TCF12: variants seen among roughly 807,000 people sequenced by gnomAD.
TCF12 encodes the protein transcription factor 12.
In TCF12, 45 loss-of-function variants were observed where a neutral mutation model predicts 86.0. The observed-to-expected ratio is 0.52, with a 90% confidence interval of 0.41 to 0.67. The LOEUF is 0.67. TCF12 is among the 30% of genes least tolerant of loss of function. The pLI is 0.00. For synonymous variants in TCF12, 330 were observed against 299.6 expected (o/e 1.10, Z -1.05); for missense variants, 881 against 859.9 (o/e 1.02, Z -0.31).
intron 3 of TCF12, among the ~76,000 whole-genome samples, chr15:56,937,421 A>T (rs1188902526): frequency 1.3e-5 from 2 of 150,670 alleles, no homozygotes; most frequent in Non-Finnish European, 3.0e-5. Context: ...TAGTGGCGTG[A>T]TCTTGGCTCA....
intron 6 of TCF12, among the ~76,000 whole-genome samples, chr15:57,183,052 A>G (rs1370883583): frequency 2.0e-5 from 3 of 152,190 alleles, no homozygotes; most frequent in African/African-American, 7.2e-5. Flanking sequence ...TCTATATAAT[A>G]CTTAAGATTG....
chr15:57,219,104 C>A (rs2058458340), intron 8 of TCF12: 1 of 1,059,374 alleles, frequency 9.4e-7, no homozygotes, highest in Non-Finnish European at 1.1e-6. Flanking sequence ...CACAAGTGCT[C>A]TAATTTAATT....
chr15:57,041,852 T>G (rs1455876494), intron 3 of TCF12, among the ~76,000 whole-genome samples: 1 of 152,222 alleles, frequency 6.6e-6, no homozygotes, highest in East Asian at 1.9e-4. Context: ...ATCCATTTGT[T>G]TACTTGATCG....
At chr15:57,106,805 A>C (rs989055430) in intron 5 of TCF12, among the ~76,000 whole-genome samples, 5 of 152,254 alleles carry the variant, frequency 3.3e-5, no homozygotes, top group African/African-American at 1.2e-4. Flanking sequence ...TAAGCCTATG[A>C]AGAAATGCTC....
At chr15:57,179,364 T>G (rs2056176000) in intron 6 of TCF12, among the ~76,000 whole-genome samples, 1 of 152,122 alleles carries the variant, frequency 6.6e-6, no homozygotes, top group Non-Finnish European at 1.5e-5. Flanking sequence ...GGTGTGCACC[T>G]GTAGTCCCAG....
At chr15:57,015,637 G>C (rs2065110592) in intron 3 of TCF12, among the ~76,000 whole-genome samples, 1 of 152,132 alleles carries the variant, frequency 6.6e-6, no homozygotes, top group Non-Finnish European at 1.5e-5. Context: ...TGCTGTCTCT[G>C]GAGTGTCCAT....
chr15:57,209,427 C>G (rs1261486950), intron 8 of TCF12, among the ~76,000 whole-genome samples: 4 of 151,888 alleles, frequency 2.6e-5, no homozygotes, highest in Non-Finnish European at 4.4e-5. Flanking sequence ...GGTCCTCACG[C>G]GAAAGAAAAG....
At chr15:57,132,949 A>T in intron 5 of TCF12, among the ~76,000 whole-genome samples, 1 of 152,208 alleles carries the variant, frequency 6.6e-6, no homozygotes, top group East Asian at 1.9e-4. Context: ...ACACACCAGG[A>T]GAATGTGAGG....
At chr15:57,017,947 C>A (rs551462413) in intron 3 of TCF12, among the ~76,000 whole-genome samples, 38 of 152,142 alleles carry the variant, frequency 2.5e-4, no homozygotes, top group South Asian at 2.3e-3. Flanking sequence ...TTTTGGTAAA[C>A]CTCCATGTAT....
intron 12 of TCF12, among the ~76,000 whole-genome samples, chr15:57,239,406 A>T (rs564980982): frequency 1.5e-4 from 23 of 151,582 alleles, no homozygotes; most frequent in Non-Finnish European, 2.5e-4. Context: ...CGCCTATGTA[A>T]TCCCAGCTGC....
intron 12 of TCF12, 37 bp downstream of exon 12, chr15:57,234,144 T>G: frequency 6.7e-7 from 1 of 1,491,348 alleles, no homozygotes; most frequent in South Asian, 1.1e-5. Context: ...TGAATGAATT[T>G]TACACTACTG....
chr15:57,236,830 T>G (rs1203034452), intron 12 of TCF12, among the ~76,000 whole-genome samples: 2 of 151,304 alleles, frequency 1.3e-5, no homozygotes, highest in Non-Finnish European at 3.0e-5. Flanking sequence ...TATGCATTAG[T>G]TTAGATAAAA....
chr15:57,027,461 C>T (rs952576450), intron 3 of TCF12, among the ~76,000 whole-genome samples: 6 of 152,148 alleles, frequency 3.9e-5, no homozygotes, highest in East Asian at 1.9e-4. Flanking sequence ...GCCATTCGTT[C>T]GTTGATGTAT....
chr15:57,063,948 C>A, intron 4 of TCF12, 125 bp downstream of exon 4: 1 of 739,464 alleles, frequency 1.4e-6, no homozygotes, highest in Non-Finnish European at 2.2e-6. Flanking sequence ...AGTAGAATAC[C>A]TAGTACCTTT....
intron 5 of TCF12, among the ~76,000 whole-genome samples, chr15:57,107,275 G>A (rs532797266): frequency 3.2e-4 from 46 of 142,132 alleles, no homozygotes; most frequent in Admixed American, 7.1e-4. Flanking sequence ...TGGAGGAACC[G>A]TAAGTGCAGA....
chr15:57,251,747 A>T (rs561514094), intron 14 of TCF12, among the ~76,000 whole-genome samples: 131 of 152,342 alleles, frequency 8.6e-4, no homozygotes, highest in African/African-American at 3.1e-3. Context: ...AAAGACAAGT[A>T]AAAGCAAGAA....
At chr15:57,211,999 A>G (rs1443836558) in intron 8 of TCF12, among the ~76,000 whole-genome samples, 2 of 108,700 alleles carry the variant, frequency 1.8e-5, no homozygotes, top group Non-Finnish European at 4.5e-5. Context: ...ACACACACAC[A>G]CACACACACT....
chr15:57,208,612 T>C (rs1358084186), intron 8 of TCF12, among the ~76,000 whole-genome samples: 1 of 151,716 alleles, frequency 6.6e-6, no homozygotes, highest in Non-Finnish European at 1.5e-5. Flanking sequence ...CTCGAACTCC[T>C]GGACTCAAGC....
intron 3 of TCF12, among the ~76,000 whole-genome samples, chr15:57,036,092 G>A (rs1159689851): frequency 6.8e-6 from 1 of 146,376 alleles, no homozygotes; most frequent in Non-Finnish European, 1.5e-5. Flanking sequence ...GGAGACTGCT[G>A]CCTTGACTGA....
Sources: gnomAD v4.1 joint callset for allele counts (sites outside exome capture counted in the v4.1 genomes callset) on GRCh38, gnomAD v4.1.1 for gene constraint, MANE v1.5 for transcripts, NCBI Gene and HGNC (gene_info 2026-07-23, HGNC 2026-07-21) for gene names.